OSBPL10: variants seen among roughly 807,000 people sequenced by gnomAD.
OSBPL10 encodes the protein oxysterol-binding protein-related protein 10.
A neutral mutation model predicts 81.7 loss-of-function variants in OSBPL10; 49 were observed. That is an observed-to-expected ratio of 0.60 (90% CI 0.48 to 0.76). The LOEUF (loss-of-function observed/expected upper bound fraction) is 0.76. Among genes scored for constraint, OSBPL10 ranks in the 30% least tolerant of loss-of-function variants. OSBPL10 has a pLI of 0.00. For synonymous variants in OSBPL10, 419 were observed against 383.6 expected, an observed-to-expected ratio of 1.09 and a Z score of -1.08; for missense variants, 923 against 987.8, an observed-to-expected ratio of 0.93 and a Z score of 0.88.
chr3:31,896,492 T>C (rs1696061364), intron 1 of OSBPL10, among the ~76,000 whole-genome samples: 2 of 152,182 alleles, frequency 1.3e-5, no homozygotes, highest in Admixed American at 6.5e-5. Flanking sequence ...TGGAATCCAG[T>C]TGTGGAGACG....
At chr3:31,930,861 A>C (rs1448423529) in intron 1 of OSBPL10, among the ~76,000 whole-genome samples, 6 of 151,684 alleles carry the variant, frequency 4.0e-5, no homozygotes, top group Non-Finnish European at 8.8e-5. Flanking sequence ...AAAAATACAA[A>C]AAATTAGCTG....
At chr3:31,929,084 G>A (rs962026584) in intron 1 of OSBPL10, among the ~76,000 whole-genome samples, 9 of 152,070 alleles carry the variant, frequency 5.9e-5, no homozygotes, top group African/African-American at 2.2e-4. Flanking sequence ...TCTTTTAGAT[G>A]GTAGGTCATA....
intron 1 of OSBPL10, among the ~76,000 whole-genome samples, chr3:31,978,194 G>A (rs1575073934): frequency 2.0e-5 from 3 of 152,156 alleles, no homozygotes; most frequent in Non-Finnish European, 2.9e-5. Flanking sequence ...CTGAGAGGAT[G>A]AACCAAGAAC....
intron 1 of OSBPL10, among the ~76,000 whole-genome samples, chr3:31,969,927 C>T (rs1246862170): frequency 2.7e-5 from 4 of 146,952 alleles, no homozygotes; most frequent in African/African-American, 1.0e-4. Flanking sequence ...AAAGAGTATG[C>T]GGGGGTGGGG....
At chr3:32,018,668 T>G (rs1699336098) in intron 2 of OSBPL10, among the ~76,000 whole-genome samples, 1 of 152,110 alleles carries the variant, frequency 6.6e-6, no homozygotes, top group South Asian at 2.1e-4. Context: ...ATCACACCAC[T>G]GCCCTCCAGC....
chr3:31,988,962 G>A, intron 2 of OSBPL10: 1 of 1,361,264 alleles, frequency 7.3e-7, no homozygotes, highest in Non-Finnish European at 1.0e-6. Flanking sequence ...AGTGTTTGTT[G>A]CCTTAAGCCA....
At chr3:31,797,370 A>G (rs1400011912) in intron 4 of OSBPL10, among the ~76,000 whole-genome samples, 1 of 152,188 alleles carries the variant, frequency 6.6e-6, no homozygotes, top group Non-Finnish European at 1.5e-5. Context: ...AAGAAAAGAA[A>G]GGTAAGATAC....
intron 6 of OSBPL10, chr3:31,717,242 A>C (rs1419521358): frequency 6.6e-6 from 1 of 152,198 alleles, no homozygotes; most frequent in Non-Finnish European, 1.5e-5. Context: ...TCTTTAAGGG[A>C]TAAAATCAAG....
chr3:31,991,246 G>C, intron 2 of OSBPL10: 1 of 395,214 alleles, frequency 2.5e-6, no homozygotes, highest in Non-Finnish European at 4.7e-6. Context: ...AGGAGTTTGA[G>C]ACCATCCTGG....
At chr3:31,805,876 G>C (rs553419469) in intron 4 of OSBPL10, among the ~76,000 whole-genome samples, 1 of 152,310 alleles carries the variant, frequency 6.6e-6, no homozygotes. Flanking sequence ...GATGGTAGCA[G>C]GGTTTAATAG....
intron 4 of OSBPL10, among the ~76,000 whole-genome samples, chr3:31,777,979 T>G (rs1441405135): frequency 2.6e-5 from 4 of 152,168 alleles, no homozygotes; most frequent in Non-Finnish European, 5.9e-5. Context: ...CAGCTGAACT[T>G]TGTAATGATT....
chr3:31,882,747 C>T (rs1357879823), intron 1 of OSBPL10, among the ~76,000 whole-genome samples: 1 of 152,132 alleles, frequency 6.6e-6, no homozygotes, highest in Admixed American at 6.5e-5. Flanking sequence ...TGAAACACCA[C>T]CTGGAAGAGC....
intron 9 of OSBPL10, among the ~76,000 whole-genome samples, chr3:31,670,061 G>A (rs1303297756): frequency 6.6e-6 from 1 of 152,188 alleles, no homozygotes; most frequent in Non-Finnish European, 1.5e-5. Context: ...CTACCAACAT[G>A]ATAGCACTGA....
intron 4 of OSBPL10, among the ~76,000 whole-genome samples, chr3:31,766,337 G>GTTTTTTTTTTTTTTTT (rs1259127969): frequency 7.5e-5 from 2 of 26,780 alleles, no homozygotes; most frequent in African/African-American, 1.2e-4. Flanking sequence ...TTGTTTTTTT[G>GTTTTTTTTTTTTTTTT]TTTTTTTTTG....
At chr3:31,686,147 C>T (rs994226596) in intron 7 of OSBPL10, among the ~76,000 whole-genome samples, 17 of 152,194 alleles carry the variant, frequency 1.1e-4, no homozygotes, top group African/African-American at 4.1e-4. Context: ...CAGCACATGG[C>T]CCTCACCAGA....
At chr3:31,879,520 G>A (rs980633978) in intron 2 of OSBPL10, 135 bp downstream of exon 2, 6 of 843,448 alleles carry the variant, frequency 7.1e-6, no homozygotes, top group Non-Finnish European at 1.1e-5. Context: ...GAGAGGCAAT[G>A]TGTGTCACCA....
intron 8 of OSBPL10, among the ~76,000 whole-genome samples, chr3:31,676,785 C>G (rs886420814): frequency 3.3e-5 from 5 of 152,236 alleles, no homozygotes; most frequent in Non-Finnish European, 7.3e-5. Flanking sequence ...CTGCAAAGAG[C>G]AGCTGAACGC....
chr3:32,069,662 C>T (rs1372340017), intron 1 of OSBPL10, among the ~76,000 whole-genome samples: 1 of 152,174 alleles, frequency 6.6e-6, no homozygotes, highest in Admixed American at 6.5e-5. Flanking sequence ...GAATCCGGCC[C>T]TCAAACCCCA....
intron 1 of OSBPL10, among the ~76,000 whole-genome samples, chr3:31,921,165 TAATA>T (rs1411005413): frequency 6.6e-6 from 1 of 152,156 alleles, no homozygotes; most frequent in Non-Finnish European, 1.5e-5. Flanking sequence ...ATGATAAACT[TAATA>T]TAGATACACA....
Sources: gnomAD v4.1 joint callset for allele counts (sites outside exome capture counted in the v4.1 genomes callset) on GRCh38, gnomAD v4.1.1 for gene constraint, MANE v1.5 for transcripts, NCBI Gene and HGNC (gene_info 2026-07-23, HGNC 2026-07-21) for gene names.